USP46: variants seen among roughly 807,000 people sequenced by gnomAD.
The protein encoded by USP46 is ubiquitin specific peptidase 46.
Under a neutral mutation model 44.4 loss-of-function variants are expected in USP46, and 12 were observed. That is an observed-to-expected ratio of 0.27 (90% CI 0.17 to 0.44). The LOEUF (loss-of-function observed/expected upper bound fraction) is 0.44, where lower values mean the gene tolerates loss of function less well. Ranked by LOEUF, USP46 falls within the 20% of genes least tolerant of loss-of-function variation. USP46 has a pLI of 1.00. For synonymous variants in USP46, 155 were observed against 161.5 expected, an observed-to-expected ratio of 0.96 and a Z score of 0.31; for missense variants, 248 against 444.8, an observed-to-expected ratio of 0.56 and a Z score of 3.98.
At chr4:52,610,506 G>C (rs369342565) in intron 5 of USP46, 35 bp downstream of exon 5, 9 of 1,592,920 alleles carry the variant, frequency 5.7e-6, no homozygotes, top group Non-Finnish European at 7.7e-6. Context: ...TTACAAGCCT[G>C]ATCAAAAGCT....
chr4:52,638,538 C>A (rs1159688375), intron 1 of USP46, among the ~76,000 whole-genome samples: 1 of 151,448 alleles, frequency 6.6e-6, no homozygotes, highest in Non-Finnish European at 1.5e-5. Context: ...CTACTCCCCA[C>A]TCATAGCATC....
intron 1 of USP46, among the ~76,000 whole-genome samples, chr4:52,653,532 T>A (rs1718845783): frequency 6.6e-6 from 1 of 151,112 alleles, no homozygotes; most frequent in Non-Finnish European, 1.5e-5. Flanking sequence ...TTTTGCTGAT[T>A]GATTTTTGGG....
At chr4:52,656,062 T>C (rs1315295205) in intron 1 of USP46, among the ~76,000 whole-genome samples, 4 of 152,252 alleles carry the variant, frequency 2.6e-5, no homozygotes, top group African/African-American at 4.8e-5. Flanking sequence ...CTTTCAATGA[T>C]AGATCTTCGT....
intron 5 of USP46, among the ~76,000 whole-genome samples, chr4:52,610,318 G>A (rs1716892686): frequency 6.6e-6 from 1 of 152,038 alleles, no homozygotes; most frequent in Non-Finnish European, 1.5e-5. Flanking sequence ...TACAGCCACT[G>A]CCACCTGCCC....
chr4:52,641,876 T>C (rs1718356840), intron 1 of USP46, among the ~76,000 whole-genome samples: 1 of 152,208 alleles, frequency 6.6e-6, no homozygotes, highest in Non-Finnish European at 1.5e-5. Context: ...TCTAAGTACA[T>C]AGAGAATAAG....
intron 1 of USP46, among the ~76,000 whole-genome samples, chr4:52,639,965 A>G (rs1718272077): frequency 6.8e-6 from 1 of 148,124 alleles, no homozygotes; most frequent in Non-Finnish European, 1.5e-5. Context: ...TTGACCTCCT[A>G]AAGTGCTGGG....
rs559222468 is a variant in USP46 at position 52,621,516 on chromosome 4, C to T, written c.561+4502G>A. 5.9e-5 allele frequency among the ~76,000 whole-genome samples: 9 copies of T among 152,108 alleles called. No individual in the cohort carries two copies. The South Asian group carries it at 8.3e-4, about 14-fold the overall frequency. The stretch of plus-strand genomic sequence containing the variant: ...ACTAAAAATACAAAAATTAGCCGGG[C>T]GTGGTGGTGCACACCTGTAATCCAG... On this transcript the variant is annotated intron_variant, in intron 4 of 8. Coordinates refer to ENST00000441222, the MANE Select transcript of USP46 (RefSeq NM_022832.4).
intron 1 of USP46, chr4:52,656,269 G>A: frequency 6.4e-7 from 1 of 1,550,558 alleles, no homozygotes; most frequent in Non-Finnish European, 8.7e-7. Flanking sequence ...GAGCTAAGCA[G>A]TGAGAAGGGA....
chr4:52,657,812 G>A (rs1295289081), intron 1 of USP46, among the ~76,000 whole-genome samples: 5 of 152,086 alleles, frequency 3.3e-5, no homozygotes, highest in Admixed American at 6.6e-5. Flanking sequence ...TTTGCTGGCC[G>A]TGACAGTGGC....
At chr4:52,658,029 G>A (rs1217676156) in intron 1 of USP46, 3 of 336,708 alleles carry the variant, frequency 8.9e-6, no homozygotes, top group South Asian at 2.2e-5. Flanking sequence ...TCCCTTTAGG[G>A]GCCAGTATTA....
intron 6 of USP46, 102 bp from the exon 7 acceptor site, chr4:52,602,156 A>G (rs1716496481): frequency 1.5e-6 from 2 of 1,320,042 alleles, no homozygotes; most frequent in East Asian, 4.7e-5. Flanking sequence ...GTTCTATCCA[A>G]CTTCAAACCA....
intron 4 of USP46, among the ~76,000 whole-genome samples, chr4:52,620,209 A>AAAC (rs374249286): frequency 3.3e-5 from 5 of 152,204 alleles, no homozygotes; most frequent in East Asian, 3.9e-4. Flanking sequence ...TTTCATAGAA[A>AAAC]AACAACAACA....
At chr4:52,658,058 T>G in intron 1 of USP46, 1 of 356,144 alleles carries the variant, frequency 2.8e-6, no homozygotes, top group Non-Finnish European at 5.6e-6. Flanking sequence ...AAGGGAGGTT[T>G]TCCTCAAACT....
intron 4 of USP46, among the ~76,000 whole-genome samples, chr4:52,617,719 GT>G (rs1295860508): frequency 6.6e-6 from 1 of 152,028 alleles, no homozygotes; most frequent in Non-Finnish European, 1.5e-5. Context: ...GTTCTGTGGG[GT>G]TTTTTTGTTG....
intron 7 of USP46, among the ~76,000 whole-genome samples, chr4:52,600,398 T>C (rs534294592): frequency 4.6e-5 from 7 of 152,216 alleles, no homozygotes; most frequent in Admixed American, 2.0e-4. Flanking sequence ...TCCGCAAGCA[T>C]AGGCCAGCCC....
chr4:52,652,452 T>C (rs1718802998), intron 1 of USP46, among the ~76,000 whole-genome samples: 3 of 152,276 alleles, frequency 2.0e-5, no homozygotes, highest in African/African-American at 7.2e-5. Flanking sequence ...AGTTCACAAC[T>C]GTTCATTGCA....
At chr4:52,603,987 T>G (rs546135884) in intron 6 of USP46, among the ~76,000 whole-genome samples, 1 of 152,284 alleles carries the variant, frequency 6.6e-6, no homozygotes, top group Admixed American at 6.5e-5. Flanking sequence ...GCCCAGCCTC[T>G]AATCACCTAT....
intron 2 of USP46, among the ~76,000 whole-genome samples, chr4:52,630,369 GGTAATGT>G (rs1427824623): frequency 6.6e-6 from 1 of 152,172 alleles, no homozygotes. Context: ...GCAATGTGCT[GGTAATGT>G]TTTTAAAACA....
At chr4:52,631,869 G>A (rs1022566794) in intron 1 of USP46, among the ~76,000 whole-genome samples, 2 of 152,042 alleles carry the variant, frequency 1.3e-5, no homozygotes, top group African/African-American at 4.8e-5. Flanking sequence ...AGCCAGGTGT[G>A]GTGGCAGGCA....
Sources: gnomAD v4.1 joint callset for allele counts (sites outside exome capture counted in the v4.1 genomes callset) on GRCh38, gnomAD v4.1.1 for gene constraint, MANE v1.5 for transcripts, NCBI Gene and HGNC (gene_info 2026-07-23, HGNC 2026-07-21) for gene names.